The following SLC22A25 variants were observed in gnomAD, a reference collection of about 807,000 sequenced individuals.
SLC22A25 encodes MGI:2442751, MGI:2385316, MGI:3042283, MGI:3645714, MGI:3605624, MGI:2442750.
Under a neutral mutation model 45.9 loss-of-function variants are expected in SLC22A25, and 44 were observed. The ratio of observed to expected loss-of-function variants is 0.96; its 90% CI spans 0.75 to 1.23. SLC22A25 has a LOEUF of 1.23. SLC22A25 is among the 50% of genes most tolerant of loss of function. The probability of loss-of-function intolerance (pLI) is 0.00; values close to 1 mark genes in which losing one functional copy is unlikely to be tolerated. For synonymous variants in SLC22A25, 283 were observed against 238.6 expected, an observed-to-expected ratio of 1.19 and a Z score of -1.72; for missense variants, 800 against 666.4, an observed-to-expected ratio of 1.20 and a Z score of -2.21.
At chr11:63,174,061 C>A (rs538902761) in intron 9 of SLC22A25, among the ~76,000 whole-genome samples, 2 of 152,160 alleles carry the variant, frequency 1.3e-5, no homozygotes, top group East Asian at 3.9e-4. Context: ...AACCCACCAC[C>A]CCCTGACAGG....
rs575474415 is a variant in SLC22A25 at position 63,219,601 on chromosome 11, T to C, written c.507-1866A>G. Among the ~76,000 whole-genome samples the C allele has an allele frequency of 5.3e-5, 8 of 152,322 alleles. No homozygotes were observed. In the South Asian group the frequency reaches 1.2e-3, roughly 24 times the overall value. On this transcript the variant is annotated intron_variant, in intron 5 of 11. Coordinates refer to ENST00000306494, the MANE Select transcript of SLC22A25 (RefSeq NM_199352.6). ...TCTAGTTTGGGGATATCATGAACAG[T>C]TGAGTGTGTTATATCCAAAGTATCA...
At chr11:63,226,867 C>A (rs1317947388) in intron 5 of SLC22A25, among the ~76,000 whole-genome samples, 2 of 152,228 alleles carry the variant, frequency 1.3e-5, no homozygotes, top group Non-Finnish European at 2.9e-5. Flanking sequence ...AAGACAAAAT[C>A]CTTTCCACTC....
Position 63,183,835 on chromosome 11 carries a change from C to A in SLC22A25, c.831-18G>T. 6.2e-7 allele frequency: 1 copy of A among 1,612,528 alleles called. No homozygotes were observed. The highest frequency in any genetic ancestry group is 8.5e-7 in the Non-Finnish European group (1 of 1,179,024). On this transcript the variant is annotated intron_variant, in intron 7 of 11. Transcript: ENST00000306494. ...CCAGCCACCTGAGCAAAGAAGAGGA[C>A]AGAGGTGCAGCCAACCACTACTTAC... is the stretch of plus-strand genomic sequence containing the variant.
At chr11:63,189,262 G>A (rs533013766) in intron 7 of SLC22A25, among the ~76,000 whole-genome samples, 172 of 152,286 alleles carry the variant, frequency 1.1e-3, no homozygotes, top group African/African-American at 4.0e-3. Flanking sequence ...AGGATAGTTA[G>A]CTCTTCTTGT....
In SLC22A25 at chr11:63,164,607, G is replaced by A. The variant is rs1288370747; in HGVS notation, c.1313C>T (p.Ala438Val). The change falls in exon 11 of 12, where the codon GCA (alanine) becomes GTA (valine). Residue 438 changes from alanine (A) to valine (V), a missense_variant. Physicochemically the swap from Ala to Val is moderately conservative, Grantham distance 64. Transcript: ENST00000306494. ...QEMQTLRVVL[A>V]TLGVGAASLG... ...AGAAGCAGCTCCCACACCCAGGGTTGCCAAAACCACACGCAGGGTCTGCAT... is the reference window on the plus strand; with the variant it reads ...AGAAGCAGCTCCCACACCCAGGGTTACCAAAACCACACGCAGGGTCTGCAT... 2 of 1,613,626 alleles carry A rather than the reference G, an allele frequency of 1.2e-6. No homozygotes were observed. Among genetic ancestry groups the A allele is most frequent in the Non-Finnish European group, 8.5e-7 (1 of 1,179,778 alleles).
chr11:63,166,035 T>A lies in SLC22A25; in HGVS notation c.1285+9A>T. ...CATTTTCTTTCTTCCACCTGTGAAC[T>A]TTTCTCACCTTGAGGCACAAATATG... On this transcript the variant is annotated intron_variant, in intron 10 of 11. Transcript: ENST00000306494. 2.5e-6 allele frequency: 4 copies of A among 1,612,520 alleles called. No individual in the cohort carries two copies. Among genetic ancestry groups the A allele is most frequent in the Non-Finnish European group, 3.4e-6 (4 of 1,178,762 alleles).
chr11:63,227,114 G>C, intron 5 of SLC22A25, among the ~76,000 whole-genome samples: 1 of 151,506 alleles, frequency 6.6e-6, no homozygotes, highest in South Asian at 2.1e-4. Flanking sequence ...AACCCCAAAG[G>C]CCTACTTGGT....
intron 9 of SLC22A25, among the ~76,000 whole-genome samples, chr11:63,174,147 C>T (rs777363993): frequency 3.9e-5 from 6 of 152,180 alleles, no homozygotes; most frequent in African/African-American, 9.6e-5. Context: ...TGAGAACACA[C>T]GGTGTTTGGT....
chr11:63,229,201 T>A, intron 4 of SLC22A25, 50 bp downstream of exon 4: 1 of 1,467,922 alleles, frequency 6.8e-7, no homozygotes. Context: ...TCTTGTGTTA[T>A]TCTAAACAGC....
intron 1 of SLC22A25, 49 bp from the exon 2 acceptor site, chr11:63,239,184 AT>A (rs1351075791): frequency 6.6e-6 from 1 of 152,268 alleles, no homozygotes; most frequent in Non-Finnish European, 1.5e-5. Context: ...AAGAGAAAAA[AT>A]GTTTCCTTTC....
At chr11:63,202,823 TCCTCAAGTGGGTCCCTGACC>T (rs1326650542) in intron 7 of SLC22A25, among the ~76,000 whole-genome samples, 1 of 152,160 alleles carries the variant, frequency 6.6e-6, no homozygotes, top group Non-Finnish European at 1.5e-5. Context: ...ACAGACTGAC[TCCTCAAGTGGGTCCCTGACC>T]CCGGTGCCTT....
chr11:63,190,531 C>T (rs1374627930), intron 7 of SLC22A25, among the ~76,000 whole-genome samples: 1 of 152,104 alleles, frequency 6.6e-6, no homozygotes, highest in Non-Finnish European at 1.5e-5. Context: ...CATCTGAAGC[C>T]TTCTTCTCTC....
chr11:63,163,485 C>G lies in SLC22A25; in HGVS notation c.*339G>C, dbSNP rs904276649. Among the ~76,000 whole-genome samples, 1 of 152,140 alleles carries G rather than the reference C, an allele frequency of 6.6e-6. No homozygotes were observed. The highest frequency in any genetic ancestry group is 1.5e-5 in the Non-Finnish European group (1 of 68,026). On this transcript the variant is annotated 3_prime_UTR_variant, in exon 12 of 12. Transcript: ENST00000306494. ...AGCACTGGCAATCCCAGACAGCTAA[C>G]AGGTACACTCACTGGGCTGAGGGCT...
intron 7 of SLC22A25, among the ~76,000 whole-genome samples, 198 bp from the exon 8 acceptor site, chr11:63,184,015 G>T (rs558351522): frequency 3.3e-5 from 5 of 152,230 alleles, no homozygotes; most frequent in African/African-American, 1.2e-4. Flanking sequence ...CACATTCACT[G>T]TTGGGATAAA....
At chr11:63,205,499 A>G (rs2089375672) in intron 7 of SLC22A25, among the ~76,000 whole-genome samples, 1 of 152,184 alleles carries the variant, frequency 6.6e-6, no homozygotes, top group Non-Finnish European at 1.5e-5. Flanking sequence ...AGAAATACAA[A>G]CTGCCATCAC....
rs756988727 is a variant in SLC22A25, at chr11:63,170,364, C to T, written c.1071-4106G>A. ...GAGACACAAAACCACTCATAAAAAT[C>T]AATGAATCCAGGAACCAGTTTACTG... On this transcript the variant is annotated intron_variant, in intron 9 of 11. Transcript: ENST00000306494. Among the ~76,000 whole-genome samples, 42 of 151,844 alleles carry T rather than the reference C, an allele frequency of 2.8e-4. 1 individual carries two copies. The highest frequency in any genetic ancestry group is 5.9e-4 in the Non-Finnish European group (40 of 67,894).
At chr11:63,203,062 G>A (rs1020987315) in intron 7 of SLC22A25, among the ~76,000 whole-genome samples, 2 of 152,192 alleles carry the variant, frequency 1.3e-5, no homozygotes, top group African/African-American at 4.8e-5. Flanking sequence ...CTGCGGCAGA[G>A]GGGCCTGATT....
chr11:63,170,267 G>A (rs1284657388), intron 9 of SLC22A25, among the ~76,000 whole-genome samples: 1 of 151,964 alleles, frequency 6.6e-6, no homozygotes, highest in African/African-American at 2.4e-5. Context: ...AGAGAAGTAA[G>A]AGTGAACAAA....
chr11:63,191,111 C>T (rs1027058350), intron 7 of SLC22A25, among the ~76,000 whole-genome samples: 4 of 152,200 alleles, frequency 2.6e-5, no homozygotes, highest in African/African-American at 9.6e-5. Flanking sequence ...GAGTTTTCTG[C>T]TGCCTTTTGT....
Sources: gnomAD v4.1 joint callset for allele counts (sites outside exome capture counted in the v4.1 genomes callset) on GRCh38, gnomAD v4.1.1 for gene constraint, MANE v1.5 for transcripts, NCBI Gene and HGNC (gene_info 2026-07-23, HGNC 2026-07-21) for gene names.